Variants in GTF2E2 observed in about 807,000 individuals in gnomAD.
GTF2E2 encodes the protein general transcription factor IIE subunit 2, also known as transcription initiation factor IIE subunit beta.
GTF2E2 carries 21 observed loss-of-function variants against 40.5 expected under a neutral mutation model. The observed-to-expected ratio is 0.52, with a 90% CI of 0.37 to 0.75. The LOEUF (loss-of-function observed/expected upper bound fraction) is 0.75, where lower values mean the gene tolerates loss of function less well. Ranked by LOEUF, GTF2E2 falls within the 30% of genes least tolerant of loss-of-function variation. GTF2E2 has a pLI of 0.00. For missense variants in GTF2E2, 298 were observed against 338.4 expected (o/e 0.88, Z 0.94); for synonymous variants, 117 against 121.6 (o/e 0.96, Z 0.25).
At position 30,609,778 on chromosome 8, in the gene GTF2E2, G is replaced by A. The variant is rs1358937499; in HGVS notation, c.549+2521C>T. ...GGTGGGCGGTGACTGGTATGAAGGT[G>A]GATTTCCCTCTTGGTGCTGTTCTCC... On this transcript the variant is annotated intron_variant, in intron 5 of 7. Transcript: ENST00000355904. Among the ~76,000 whole-genome samples, 4 of 152,126 alleles carry A rather than the reference G, an allele frequency of 2.6e-5. No homozygotes were observed. The East Asian group carries it at 7.7e-4, about 29-fold the overall frequency.
intron 5 of GTF2E2, among the ~76,000 whole-genome samples, chr8:30,609,214 T>TGA (rs1175359810): frequency 6.8e-5 from 10 of 147,300 alleles, no homozygotes; most frequent in African/African-American, 2.5e-4. Context: ...TGCAGTGAGC[T>TGA]GAGATCACCC....
intron 6 of GTF2E2, among the ~76,000 whole-genome samples, chr8:30,580,909 G>T (rs1397565047): frequency 6.6e-6 from 1 of 150,910 alleles, no homozygotes; most frequent in Non-Finnish European, 1.5e-5. Flanking sequence ...AAAGGGAAAG[G>T]GGGGATGGCT....
intron 6 of GTF2E2, among the ~76,000 whole-genome samples, chr8:30,592,069 T>A (rs985194908): frequency 1.3e-5 from 2 of 152,144 alleles, no homozygotes; most frequent in African/African-American, 4.8e-5. Context: ...CCTTGAACCA[T>A]AGGTTACTTA....
intron 3 of GTF2E2, among the ~76,000 whole-genome samples, chr8:30,624,477 A>G (rs570231560): frequency 6.6e-6 from 1 of 152,266 alleles, no homozygotes; most frequent in East Asian, 1.9e-4. Flanking sequence ...TTGGCTTAGG[A>G]CTGACTTCAC....
rs1801549036 is a variant in GTF2E2, at chr8:30,635,080, G to C, written c.210C>G (p.Ser70Arg). 1 of 1,608,854 alleles carries C rather than the reference G, an allele frequency of 6.2e-7. No homozygotes were observed. The highest frequency in any genetic ancestry group is 8.5e-7 in the Non-Finnish European group (1 of 1,176,060). The change falls in exon 3 of 8, where the codon AGC becomes AGG. Residue 70 changes from serine to arginine, a missense_variant. Coordinates refer to ENST00000355904, the MANE Select transcript of GTF2E2 (RefSeq NM_002095.6). ...GSFNLKALSG[S>R]SGYKFGVLAK... The stretch of plus-strand genomic sequence containing the variant: ...CAAGAACACCAAACTTATATCCAGA[G>C]CTTCCTGACAAAGCTTTCAAGTTAA...
intron 2 of GTF2E2, among the ~76,000 whole-genome samples, chr8:30,647,456 C>T (rs1306685765): frequency 6.6e-6 from 1 of 152,076 alleles, no homozygotes; most frequent in Non-Finnish European, 1.5e-5. Context: ...GGGAATGGGG[C>T]CCCTGTAATC....
chr8:30,649,955 T>G (rs1179380076), intron 2 of GTF2E2, among the ~76,000 whole-genome samples: 1 of 152,142 alleles, frequency 6.6e-6, no homozygotes, highest in Non-Finnish European at 1.5e-5. Flanking sequence ...AAAAAATTCT[T>G]ACAAAGAGCT....
intron 6 of GTF2E2, among the ~76,000 whole-genome samples, chr8:30,585,754 AG>A (rs1446463908): frequency 7.0e-6 from 1 of 142,102 alleles, no homozygotes; most frequent in Non-Finnish European, 1.5e-5. Context: ...GTTAGCATTA[AG>A]GTACATCTTT....
At chr8:30,628,670 G>A (rs144206871) in intron 3 of GTF2E2, among the ~76,000 whole-genome samples, 1,590 of 152,260 alleles carry the variant, frequency 0.01, 16 homozygotes, top group Non-Finnish European at 0.016. Flanking sequence ...GTTGGCTCAC[G>A]CCTGTAATCC....
At chr8:30,615,541 G>A (rs1040225765) in intron 3 of GTF2E2, among the ~76,000 whole-genome samples, 37 of 152,124 alleles carry the variant, frequency 2.4e-4, no homozygotes, top group Non-Finnish European at 2.9e-5. Context: ...CCACTACACA[G>A]ATGTTCACAA....
chr8:30,620,283 C>T (rs1585972982), intron 3 of GTF2E2, among the ~76,000 whole-genome samples: 1 of 151,826 alleles, frequency 6.6e-6, no homozygotes, highest in African/African-American at 2.4e-5. Flanking sequence ...CGTATACATA[C>T]ACACATTCAT....
rs1802497072 is a variant in GTF2E2 at position 30,657,977 on chromosome 8, G to C, written c.-9C>G. 1 of 153,130 alleles carries C rather than the reference G, an allele frequency of 6.5e-6. No individual in the cohort carries two copies. Among genetic ancestry groups the C allele is most frequent in the South Asian group, 2.0e-4 (1 of 4,948 alleles). The allele number at this position is 153,130 out of a possible 1,614,324, so 9.5% of individuals were successfully genotyped here. On this transcript the variant is annotated 5_prime_UTR_variant, in exon 1 of 8. Coordinates refer to ENST00000355904, the MANE Select transcript of GTF2E2 (RefSeq NM_002095.6). ...CCCGGCGGCCGCAGCCCCTACCTGA[G>C]TGAGAAGGGCAGCCTCGCACGACTC...
intron 2 of GTF2E2, among the ~76,000 whole-genome samples, chr8:30,646,353 C>A (rs1586006010): frequency 6.6e-6 from 1 of 151,898 alleles, no homozygotes; most frequent in African/African-American, 2.4e-5. Context: ...ACTGCCCCTC[C>A]CCCCATCCCC....
intron 3 of GTF2E2, among the ~76,000 whole-genome samples, chr8:30,619,523 G>C (rs924772154): frequency 1.3e-5 from 2 of 150,824 alleles, no homozygotes; most frequent in Middle Eastern, 3.4e-3. Context: ...CAAGTAGCTG[G>C]GACTATACGC....
chr8:30,594,071 C>T (rs1828924958), intron 6 of GTF2E2, among the ~76,000 whole-genome samples: 1 of 152,024 alleles, frequency 6.6e-6, no homozygotes, highest in African/African-American at 2.4e-5. Context: ...GCTGGGATTA[C>T]AGGCGCATGC....
chr8:30,592,597 C>A (rs2979502), intron 6 of GTF2E2, among the ~76,000 whole-genome samples: 17 of 152,046 alleles, frequency 1.1e-4, no homozygotes, highest in African/African-American at 3.9e-4. Flanking sequence ...TACATATAAC[C>A]TATGCCTATC....
intron 2 of GTF2E2, chr8:30,645,229 A>AT: frequency 7.4e-7 from 1 of 1,359,430 alleles, no homozygotes; most frequent in East Asian, 2.5e-5. Context: ...TGAGATTTGA[A>AT]TTAACAGATC....
chr8:30,654,825 G>C (rs940481681), intron 1 of GTF2E2, among the ~76,000 whole-genome samples: 2 of 152,080 alleles, frequency 1.3e-5, no homozygotes, highest in Admixed American at 6.5e-5. Context: ...GTGGATTTAG[G>C]CTCACTGCAA....
intron 3 of GTF2E2, among the ~76,000 whole-genome samples, chr8:30,632,828 A>G (rs1455351348): frequency 6.6e-6 from 1 of 152,218 alleles, no homozygotes; most frequent in East Asian, 1.9e-4. Context: ...ATGCTTGATG[A>G]TAAAATCACT....
Sources: gnomAD v4.1 joint callset for allele counts (sites outside exome capture counted in the v4.1 genomes callset) on GRCh38, gnomAD v4.1.1 for gene constraint, MANE v1.5 for transcripts, NCBI Gene and HGNC (gene_info 2026-07-23, HGNC 2026-07-21) for gene names.